PRDM16: variants seen among roughly 807,000 people sequenced by gnomAD.
PRDM16 encodes PR/SET domain 16.
In PRDM16, 23 loss-of-function variants were observed where a neutral mutation model predicts 110.6. The ratio of observed to expected loss-of-function variants is 0.21; its 90% CI spans 0.15 to 0.29. PRDM16 has a LOEUF of 0.29. Ranked by LOEUF, PRDM16 falls within the 10% of genes least tolerant of loss-of-function variation. The pLI is 1.00. For missense variants in PRDM16, 1,615 were observed against 1,794.3 expected, an observed-to-expected ratio of 0.90 and a Z score of 1.81; for synonymous variants, 799 against 781.8, an observed-to-expected ratio of 1.02 and a Z score of -0.37.
At chr1:3,344,570 AT>A (rs2100520053) in intron 3 of PRDM16, among the ~76,000 whole-genome samples, 1 of 152,136 alleles carries the variant, frequency 6.6e-6, no homozygotes, top group East Asian at 1.9e-4. Context: ...ATGGGTGACA[AT>A]TTCCTGTTTC....
At chr1:3,276,965 TC>T (rs1046955742) in intron 3 of PRDM16, among the ~76,000 whole-genome samples, 27 of 151,408 alleles carry the variant, frequency 1.8e-4, no homozygotes, top group Non-Finnish European at 5.9e-5. Flanking sequence ...CTGCCTCTCG[TC>T]CCCGTGGTGT....
At chr1:3,387,586 G>A (rs955657684) in intron 4 of PRDM16, among the ~76,000 whole-genome samples, 5 of 152,142 alleles carry the variant, frequency 3.3e-5, no homozygotes, top group South Asian at 2.1e-4. Context: ...CAGGGCCACC[G>A]ACGCTCCTGC....
intron 3 of PRDM16, among the ~76,000 whole-genome samples, chr1:3,378,210 T>C (rs576728218): frequency 6.6e-6 from 1 of 152,316 alleles, no homozygotes; most frequent in Non-Finnish European, 1.5e-5. Context: ...CAGTGTTTCT[T>C]CCACCGATCC....
chr1:3,387,359 T>C, intron 4 of PRDM16, among the ~76,000 whole-genome samples: 1 of 152,214 alleles, frequency 6.6e-6, no homozygotes, highest in East Asian at 1.9e-4. Context: ...TTTAGGTCCA[T>C]AGGCTGAATT....
Position 3,119,568 on chromosome 1 carries a change from ATGT to A in PRDM16, c.37+50276_37+50278del, listed in dbSNP as rs1034391199. Among the ~76,000 whole-genome samples, 12 of 152,102 alleles carry A rather than the reference ATGT, an allele frequency of 7.9e-5. 1 individual carries two copies. In the South Asian group the frequency reaches 2.1e-3, roughly 26 times the overall value. The stretch of plus-strand genomic sequence containing the variant: ...TGCCTGGCATCCAGGGCAGGGGGTG[ATGT>A]TGTGTGTTTTCTCTCTGAATCAGGC... On this transcript the variant is annotated intron_variant, in intron 1 of 16. Coordinates refer to ENST00000270722, the MANE Select transcript of PRDM16 (RefSeq NM_022114.4).
At chr1:3,186,015 C>G in intron 1 of PRDM16, 110 bp from the exon 2 acceptor site, 1 of 919,562 alleles carries the variant, frequency 1.1e-6, no homozygotes, top group East Asian at 2.5e-5. Flanking sequence ...CCTTCTGGGC[C>G]CCTGAGCACC....
rs761849642 is a variant in PRDM16, at chr1:3,186,172, C to A, written c.85C>A (p.Leu29Met). 1.9e-6 allele frequency: 3 copies of A among 1,612,768 alleles called. No homozygotes were observed. The African/African-American group carries it at 4.0e-5, about 22-fold the overall frequency. Residue 29 changes from leucine (L) to methionine (M), a missense_variant, in exon 2 of 17, where the codon CTG (leucine) becomes ATG (methionine). Physicochemically the swap from Leu to Met is conservative, Grantham distance 15. This residue lies in a region of PRDM16 where 416 missense variants were observed against 467.1 expected (regional missense o/e 0.89). Transcript: ENST00000270722. ...TATGTATGAGCCCAACCGGGACCTG[C>A]TGGCCAGCCACAGCGCGGAGGACGA... ...NNMYEPNRDL[L>M]ASHSAEDEAE...
intron 1 of PRDM16, among the ~76,000 whole-genome samples, chr1:3,114,830 A>G (rs1642919190): frequency 6.6e-6 from 1 of 152,234 alleles, no homozygotes; most frequent in Admixed American, 6.5e-5. Flanking sequence ...CAGCCCTGCA[A>G]TTGATCTCCA....
intron 3 of PRDM16, among the ~76,000 whole-genome samples, chr1:3,287,935 TG>T (rs1295899594): frequency 6.6e-6 from 1 of 152,230 alleles, no homozygotes; most frequent in African/African-American, 2.4e-5. Context: ...TCACCCCGGC[TG>T]GGGCAGCTGC....
intron 3 of PRDM16, among the ~76,000 whole-genome samples, chr1:3,312,231 G>A (rs879585744): frequency 6.6e-6 from 1 of 152,224 alleles, no homozygotes; most frequent in Non-Finnish European, 1.5e-5. Flanking sequence ...CATCCATGGC[G>A]CCGTCAGCAT....
chr1:3,145,677 C>T (rs1643634480), intron 1 of PRDM16, among the ~76,000 whole-genome samples: 2 of 152,198 alleles, frequency 1.3e-5, no homozygotes, highest in Non-Finnish European at 2.9e-5. Context: ...GCTTCACTCA[C>T]CCGCCCCACC....
intron 2 of PRDM16, among the ~76,000 whole-genome samples, chr1:3,194,005 G>A (rs1007409975): frequency 1.3e-5 from 2 of 152,236 alleles, no homozygotes; most frequent in African/African-American, 4.8e-5. Flanking sequence ...CATCAGGCAT[G>A]TGAAAGCTCC....
rs957547998 is a variant in PRDM16, at chr1:3,201,526, G to A, written c.387+15052G>A. Among the ~76,000 whole-genome samples, 1 of 152,196 alleles carries A rather than the reference G, an allele frequency of 6.6e-6. No homozygotes were observed. The highest frequency in any genetic ancestry group is 1.5e-5 in the Non-Finnish European group (1 of 68,026). The stretch of plus-strand genomic sequence containing the variant: ...GAGACCTGGGCCCTTGCAGTCATCA[G>A]GAATGATGTCAGCTGTGGGGAGGAC... On this transcript the variant is annotated intron_variant, in intron 2 of 16. Coordinates refer to ENST00000270722, the MANE Select transcript of PRDM16 (RefSeq NM_022114.4). This position sits in a 1 kb window ranked among gnomAD's most constrained non-coding sequence, Gnocchi z 4.1.
At chr1:3,187,656 A>C (rs1269819046) in intron 2 of PRDM16, among the ~76,000 whole-genome samples, 1 of 152,142 alleles carries the variant, frequency 6.6e-6, no homozygotes, top group Non-Finnish European at 1.5e-5. Context: ...GCTGCCCCGC[A>C]CGCTGCAGAG....
At chr1:3,418,069 G>T in intron 11 of PRDM16, 72 bp downstream of exon 11, 1 of 1,322,092 alleles carries the variant, frequency 7.6e-7, no homozygotes. Flanking sequence ...CTGTGAACCT[G>T]TGCTTCCAGG....
intron 1 of PRDM16, among the ~76,000 whole-genome samples, chr1:3,089,996 T>G (rs1400073418): frequency 6.6e-6 from 1 of 152,188 alleles, no homozygotes; most frequent in Non-Finnish European, 1.5e-5. Flanking sequence ...TCTCCCAAAT[T>G]TCTAAGAAGC....
intron 3 of PRDM16, among the ~76,000 whole-genome samples, chr1:3,312,191 C>T (rs913652177): frequency 3.9e-5 from 6 of 152,226 alleles, no homozygotes; most frequent in African/African-American, 1.4e-4. Flanking sequence ...GCACAGAGCT[C>T]GGCCTGGCCC....
At chr1:3,267,234 C>T (rs931996307) in intron 3 of PRDM16, among the ~76,000 whole-genome samples, 4 of 152,176 alleles carry the variant, frequency 2.6e-5, no homozygotes, top group South Asian at 2.1e-4. Context: ...TGCATCTGCT[C>T]TTCTGGACAT....
rs1213444167 is a variant in PRDM16, at chr1:3,157,059, G to A, written c.38-29066G>A. 6.6e-6 allele frequency among the ~76,000 whole-genome samples: 1 copy of A among 152,210 alleles called. No individual in the cohort carries two copies. Among genetic ancestry groups the A allele is most frequent in the Non-Finnish European group, 1.5e-5 (1 of 68,040 alleles). On this transcript the variant is annotated intron_variant, in intron 1 of 16. Coordinates refer to ENST00000270722, the MANE Select transcript of PRDM16 (RefSeq NM_022114.4). The surrounding 1 kb of genome is among the most constrained non-coding windows in gnomAD (Gnocchi z 4.8). ...GGGCTGAGCACGAGGGCCAAGAGGTGACCGCCGGCCAGAACCAGCCGTGGC... is the reference window on the plus strand; with the variant it reads ...GGGCTGAGCACGAGGGCCAAGAGGTAACCGCCGGCCAGAACCAGCCGTGGC...
Sources: allele counts gnomAD v4.1 joint callset (sites outside exome capture counted in the v4.1 genomes callset), GRCh38; gene constraint gnomAD v4.1.1; regional missense constraint gnomAD v4.1.1; non-coding constraint Gnocchi (gnomAD v3.1); transcripts MANE v1.5; gene names NCBI Gene and HGNC (gene_info 2026-07-23, HGNC 2026-07-21).